Variants in BARX2 observed in about 807,000 individuals in gnomAD.
BARX2 encodes BARX homeobox 2.
In BARX2, 11 loss-of-function variants were observed where a neutral mutation model predicts 25.5. The ratio of observed to expected loss-of-function variants is 0.43; its 90% CI spans 0.27 to 0.71. BARX2 has a LOEUF of 0.71. BARX2 is among the 30% of genes least tolerant of loss of function. The pLI, the probability that BARX2 is intolerant of heterozygous loss-of-function variation, is 0.19. For synonymous variants in BARX2, 137 were observed against 149.5 expected (o/e 0.92, Z 0.61); for missense variants, 360 against 359.9 (o/e 1.00, Z 0.00).
chr11:129,403,470 G>A (rs542265757), intron 1 of BARX2, among the ~76,000 whole-genome samples: 13 of 152,058 alleles, frequency 8.5e-5, no homozygotes, highest in South Asian at 2.1e-4. Context: ...CCAACATACC[G>A]TAGGCCACAG....
chr11:129,446,834 TG>T (rs1862335771), intron 3 of BARX2, among the ~76,000 whole-genome samples: 1 of 152,162 alleles, frequency 6.6e-6, no homozygotes, highest in South Asian at 2.1e-4. Context: ...AGATTCATGC[TG>T]GGGAATCCAA....
rs369176645 is a variant in BARX2 at position 129,418,397 on chromosome 11, G to T, written c.188-18354G>T. Reference sequence around the variant, plus strand: ...TATTCGATGGATTTCAGAATGTCATGTTATTTCAGCCCAAGCGGTTCCCCA... The same window carrying T: ...TATTCGATGGATTTCAGAATGTCATTTTATTTCAGCCCAAGCGGTTCCCCA... On this transcript the variant is annotated intron_variant, in intron 1 of 3. Coordinates refer to ENST00000281437, the MANE Select transcript of BARX2 (RefSeq NM_003658.5). 4.1e-4 allele frequency among the ~76,000 whole-genome samples: 62 copies of T among 152,266 alleles called. No homozygotes were observed. The South Asian group carries it at 0.012, about 30-fold the overall frequency.
At chr11:129,422,979 A>T (rs1402145392) in intron 1 of BARX2, among the ~76,000 whole-genome samples, 1 of 150,780 alleles carries the variant, frequency 6.6e-6, no homozygotes, top group Admixed American at 6.6e-5. Flanking sequence ...CTGGGATTAC[A>T]GGCATGAGCC....
At chr11:129,431,763 A>C (rs1047550515) in intron 1 of BARX2, among the ~76,000 whole-genome samples, 2 of 152,042 alleles carry the variant, frequency 1.3e-5, no homozygotes, top group Non-Finnish European at 2.9e-5. Context: ...ACAGAGCAAA[A>C]ATTGTTAATT....
At chr11:129,394,279 T>C (rs73569118) in intron 1 of BARX2, among the ~76,000 whole-genome samples, 6,350 of 152,320 alleles carry the variant, frequency 0.042, 328 homozygotes, top group East Asian at 0.17. Flanking sequence ...CCATACTGTT[T>C]ATCTGTTTTG....
At chr11:129,427,225 T>C (rs1862074026) in intron 1 of BARX2, among the ~76,000 whole-genome samples, 1 of 152,200 alleles carries the variant, frequency 6.6e-6, no homozygotes, top group Non-Finnish European at 1.5e-5. Flanking sequence ...GAGGGAGAAC[T>C]GTTATTGGCC....
intron 1 of BARX2, among the ~76,000 whole-genome samples, chr11:129,407,896 G>A (rs1042094044): frequency 2.6e-5 from 4 of 151,770 alleles, no homozygotes; most frequent in East Asian, 1.9e-4. Flanking sequence ...AGGATTTGGC[G>A]CCTCTGTTAA....
At chr11:129,404,617 G>A (rs1457201292) in intron 1 of BARX2, among the ~76,000 whole-genome samples, 2 of 152,202 alleles carry the variant, frequency 1.3e-5, no homozygotes, top group Non-Finnish European at 2.9e-5. Context: ...CCTGTTCTGC[G>A]AGAGTAATGT....
At position 129,441,373 on chromosome 11, in the gene BARX2, A is replaced by ATACTT. The variant is rs541415252; in HGVS notation, c.489-1458_489-1454dup. Among the ~76,000 whole-genome samples, 89 of 152,296 alleles carry ATACTT rather than the reference A, an allele frequency of 5.8e-4. 1 individual carries two copies. In the East Asian group the frequency reaches 0.012, roughly 20 times the overall value. ...TTTTCTGGGCAGAGCCAGACAGTAA[A>ATACTT]TACTTTACATTTTGTGGGCCATATG... On this transcript the variant is annotated intron_variant, in intron 2 of 3. Transcript: ENST00000281437.
chr11:129,440,640 T>C (rs1410364016), intron 2 of BARX2, among the ~76,000 whole-genome samples: 2 of 152,234 alleles, frequency 1.3e-5, no homozygotes, highest in African/African-American at 4.8e-5. Flanking sequence ...TGAGTACTGA[T>C]TTAAGACCAC....
chr11:129,391,509 C>T (rs1431787497), intron 1 of BARX2, among the ~76,000 whole-genome samples: 1 of 152,146 alleles, frequency 6.6e-6, no homozygotes, highest in Non-Finnish European at 1.5e-5. Context: ...AGCAGAGCTC[C>T]TCAGTTACGA....
At chr11:129,383,242 A>G (rs1291600537) in intron 1 of BARX2, among the ~76,000 whole-genome samples, 14 of 152,240 alleles carry the variant, frequency 9.2e-5, no homozygotes, top group African/African-American at 2.4e-5. Context: ...AATGCTCTAA[A>G]TAAAAACACA....
intron 2 of BARX2, chr11:129,442,580 A>G: frequency 2.1e-6 from 1 of 479,938 alleles, no homozygotes; most frequent in Admixed American, 3.3e-5. Flanking sequence ...GGTCCCTTGC[A>G]GACCGTGAAT....
At chr11:129,446,410 A>G (rs1763334510) in intron 3 of BARX2, among the ~76,000 whole-genome samples, 2 of 151,910 alleles carry the variant, frequency 1.3e-5, no homozygotes, top group Admixed American at 1.3e-4. Flanking sequence ...AGGTTACTTA[A>G]CCTCTGTGTG....
chr11:129,420,105 T>C (rs1025335823), intron 1 of BARX2, among the ~76,000 whole-genome samples: 1 of 152,116 alleles, frequency 6.6e-6, no homozygotes, highest in Admixed American at 6.5e-5. Flanking sequence ...TATTTTTTAG[T>C]GAACAAATCA....
intron 1 of BARX2, among the ~76,000 whole-genome samples, chr11:129,384,991 A>G (rs1208073705): frequency 6.6e-6 from 1 of 152,194 alleles, no homozygotes; most frequent in Non-Finnish European, 1.5e-5. Flanking sequence ...AATAAGAAAA[A>G]TGGGCAAAGG....
intron 1 of BARX2, among the ~76,000 whole-genome samples, chr11:129,389,187 C>T (rs1861643759): frequency 6.6e-6 from 1 of 152,134 alleles, no homozygotes; most frequent in Admixed American, 6.5e-5. Context: ...TTTGTGGTAA[C>T]AAAGTGCTTA....
chr11:129,387,241 C>G (rs903095), intron 1 of BARX2, among the ~76,000 whole-genome samples: 130,806 of 152,144 alleles, frequency 0.86, 56,398 homozygotes, highest in Admixed American at 0.92. Context: ...TTGGGGCTGT[C>G]AATATAGGAA....
intron 1 of BARX2, among the ~76,000 whole-genome samples, chr11:129,388,900 C>T (rs559747660): frequency 3.3e-5 from 5 of 152,136 alleles, no homozygotes; most frequent in Non-Finnish European, 5.9e-5. Flanking sequence ...ATTTTATTGC[C>T]TGTGTGACCT....
Sources: allele counts gnomAD v4.1 joint callset (sites outside exome capture counted in the v4.1 genomes callset), GRCh38; gene constraint gnomAD v4.1.1; transcripts MANE v1.5; gene names NCBI Gene and HGNC (gene_info 2026-07-23, HGNC 2026-07-21).